The following MMP16 variants were observed in gnomAD, a reference collection of about 807,000 sequenced individuals.
MMP16 encodes matrix metalloproteinase-16.
A neutral mutation model predicts 67.8 loss-of-function variants in MMP16; 12 were observed. The ratio of observed to expected loss-of-function variants is 0.18; its 90% CI spans 0.11 to 0.29. The LOEUF is 0.29. Among genes scored for constraint, MMP16 ranks in the 10% least tolerant of loss-of-function variants. The pLI is 1.00. For missense variants in MMP16, 475 were observed against 765.7 expected (o/e 0.62, Z 4.48); for synonymous variants, 249 against 255.9 (o/e 0.97, Z 0.26).
chr8:88,222,184 T>C (rs1347222687), intron 1 of MMP16, among the ~76,000 whole-genome samples: 1 of 151,942 alleles, frequency 6.6e-6, no homozygotes, highest in Non-Finnish European at 1.5e-5. Context: ...GAATCTTGTT[T>C]TTAGGAGTGC....
chr8:88,311,621 T>C (rs989519871), intron 1 of MMP16, among the ~76,000 whole-genome samples: 3 of 152,322 alleles, frequency 2.0e-5, no homozygotes, highest in African/African-American at 7.2e-5. Context: ...AATGAATTTC[T>C]AAATAAGTAT....
chr8:88,326,346 G>A (rs1811537282), intron 1 of MMP16, among the ~76,000 whole-genome samples: 1 of 152,128 alleles, frequency 6.6e-6, no homozygotes, highest in South Asian at 2.1e-4. Context: ...AGCTATCAAA[G>A]TAAAGCAAAT....
intron 8 of MMP16, among the ~76,000 whole-genome samples, 178 bp from the exon 9 acceptor site, chr8:88,046,962 G>A (rs1808206928): frequency 6.6e-6 from 1 of 152,110 alleles, no homozygotes; most frequent in Non-Finnish European, 1.5e-5. Context: ...TTAAATAACT[G>A]AAAATACAAT....
intron 1 of MMP16, among the ~76,000 whole-genome samples, chr8:88,218,593 C>G (rs1348429510): frequency 6.6e-6 from 1 of 151,900 alleles, no homozygotes; most frequent in East Asian, 1.9e-4. Flanking sequence ...ATGTTGCATA[C>G]CTTAAATGCA....
At chr8:88,157,712 T>C (rs972229141) in intron 4 of MMP16, among the ~76,000 whole-genome samples, 1 of 152,296 alleles carries the variant, frequency 6.6e-6, no homozygotes, top group African/African-American at 2.4e-5. Flanking sequence ...AGGGTACATG[T>C]GCACAATGTG....
chr8:88,071,093 C>T (rs983381041), intron 7 of MMP16, among the ~76,000 whole-genome samples: 2 of 152,076 alleles, frequency 1.3e-5, no homozygotes, highest in Non-Finnish European at 2.9e-5. Flanking sequence ...ATATGATATA[C>T]ATGTGCACAT....
chr8:88,202,758 C>T (rs1392221126), intron 1 of MMP16, among the ~76,000 whole-genome samples: 2 of 152,024 alleles, frequency 1.3e-5, no homozygotes, highest in Non-Finnish European at 2.9e-5. Context: ...CTGAAGTAGA[C>T]AGAAATAATT....
intron 4 of MMP16, among the ~76,000 whole-genome samples, chr8:88,159,354 T>C (rs1349953333): frequency 6.6e-6 from 1 of 152,170 alleles, no homozygotes; most frequent in Admixed American, 6.6e-5. Flanking sequence ...AGCAGTGGTT[T>C]GTAGTTCTTG....
chr8:88,205,482 G>A (rs939278), intron 1 of MMP16, among the ~76,000 whole-genome samples: 10,356 of 152,216 alleles, frequency 0.068, 1,007 homozygotes, highest in African/African-American at 0.22. Context: ...TATGTTCTGG[G>A]TATAACACTA....
chr8:88,207,126 A>G (rs1236107713), intron 1 of MMP16, among the ~76,000 whole-genome samples: 1 of 152,230 alleles, frequency 6.6e-6, no homozygotes, highest in African/African-American at 2.4e-5. Flanking sequence ...CATCTATTTT[A>G]TCATTTACTA....
chr8:88,195,183 C>T (rs1809230949), intron 2 of MMP16, among the ~76,000 whole-genome samples: 1 of 152,168 alleles, frequency 6.6e-6, no homozygotes, highest in Admixed American at 6.6e-5. Flanking sequence ...CAAAAACCTT[C>T]CTCCAGCCAC....
rs1459050274 is a variant in MMP16 at position 88,056,207 on chromosome 8, T to C, written c.1294A>G (p.Ser432Gly). Residue 432 changes from serine (S) to glycine (G), a missense_variant, in exon 8 of 10, where the codon AGT becomes GGT. Transcript: ENST00000286614. ...GYPHDLITLGSGIPPHGIDSA... is the reference protein window; with the variant it reads ...GYPHDLITLGGGIPPHGIDSA... ...TCAATACCATGAGGGGGAATTCCAC[T>C]TCCAAGGGTTATCAAGTCATGAGGG... The C allele has an allele frequency of 3.1e-6, 5 of 1,602,624 alleles. No homozygotes were observed. Among genetic ancestry groups the C allele is most frequent in the Non-Finnish European group, 4.3e-6 (5 of 1,173,400 alleles).
In MMP16 at chr8:88,259,087, A is replaced by G. The variant is rs537422385; in HGVS notation, c.133-61781T>C. 1.1e-4 allele frequency among the ~76,000 whole-genome samples: 16 copies of G among 152,268 alleles called. No individual in the cohort carries two copies. In the South Asian group the frequency reaches 3.3e-3, roughly 32 times the overall value. On this transcript the variant is annotated intron_variant, in intron 1 of 9. Coordinates refer to ENST00000286614, the MANE Select transcript of MMP16 (RefSeq NM_005941.5). ...AGATGAAGAAAATGAAGATGCTGGC[A>G]CAAGTGGATTAAGGGCCTTGTCCTG...
intron 7 of MMP16, among the ~76,000 whole-genome samples, chr8:88,059,535 G>A (rs1222155790): frequency 6.6e-6 from 1 of 151,952 alleles, no homozygotes; most frequent in Non-Finnish European, 1.5e-5. Flanking sequence ...GTTATTCGTG[G>A]CTGACATCAG....
chr8:88,098,971 T>C (rs1809083638), intron 6 of MMP16, among the ~76,000 whole-genome samples: 1 of 151,798 alleles, frequency 6.6e-6, no homozygotes, highest in African/African-American at 2.4e-5. Flanking sequence ...GCCATAATTA[T>C]AGCAAAATAA....
chr8:88,136,875 C>A (rs997065312), intron 4 of MMP16, among the ~76,000 whole-genome samples: 1 of 151,716 alleles, frequency 6.6e-6, no homozygotes, highest in Non-Finnish European at 1.5e-5. Context: ...ATTACATTCA[C>A]TCCCCACCCC....
intron 4 of MMP16, among the ~76,000 whole-genome samples, chr8:88,164,995 C>G (rs1361775799): frequency 1.3e-5 from 2 of 151,678 alleles, no homozygotes; most frequent in South Asian, 4.2e-4. Context: ...ATTATCACCT[C>G]TTGTCATAAA....
At chr8:88,145,239 T>C (rs760374543) in intron 4 of MMP16, among the ~76,000 whole-genome samples, 7 of 151,978 alleles carry the variant, frequency 4.6e-5, no homozygotes, top group Non-Finnish European at 7.4e-5. Flanking sequence ...CTGTTGCTCC[T>C]AGGCTACAAA....
At chr8:88,082,150 C>T (rs77047047) in intron 6 of MMP16, among the ~76,000 whole-genome samples, 1,856 of 152,086 alleles carry the variant, frequency 0.012, 42 homozygotes, top group African/African-American at 0.04. Context: ...TTTATACAAA[C>T]GCACACGCAC....
Sources: gnomAD v4.1 joint callset for allele counts (sites outside exome capture counted in the v4.1 genomes callset) on GRCh38, gnomAD v4.1.1 for gene constraint, MANE v1.5 for transcripts, NCBI Gene and HGNC (gene_info 2026-07-23, HGNC 2026-07-21) for gene names.